HS6ST3: variants seen among roughly 807,000 people sequenced by gnomAD.
HS6ST3 encodes the protein heparan sulfate 6-O-sulfotransferase 3.
Under a neutral mutation model 36.7 loss-of-function variants are expected in HS6ST3, and 12 were observed. The ratio of observed to expected loss-of-function variants is 0.33; its 90% CI spans 0.21 to 0.53. The LOEUF (loss-of-function observed/expected upper bound fraction) is 0.53. Ranked by LOEUF, HS6ST3 falls within the 20% of genes least tolerant of loss-of-function variation. The probability of loss-of-function intolerance (pLI) is 0.95; values close to 1 mark genes in which losing one functional copy is unlikely to be tolerated. For missense variants in HS6ST3, 584 were observed against 640.9 expected (o/e 0.91, Z 0.96); for synonymous variants, 240 against 257.5 (o/e 0.93, Z 0.65).
chr13:96,731,597 TA>T (rs1041928966), intron 1 of HS6ST3, among the ~76,000 whole-genome samples: 4 of 152,300 alleles, frequency 2.6e-5, no homozygotes, highest in African/African-American at 9.6e-5. Context: ...ATTTCCTTTG[TA>T]AATATATATG....
intron 1 of HS6ST3, among the ~76,000 whole-genome samples, chr13:96,299,146 A>G (rs2054869434): frequency 6.6e-6 from 1 of 152,202 alleles, no homozygotes; most frequent in South Asian, 2.1e-4. Flanking sequence ...AGGGAAATTC[A>G]AAGACAAGAG....
chr13:96,732,297 G>A (rs1205077351), intron 1 of HS6ST3, among the ~76,000 whole-genome samples: 2 of 152,104 alleles, frequency 1.3e-5, no homozygotes, highest in African/African-American at 4.8e-5. Context: ...TTTTCTTCTA[G>A]TAGTTTCAAG....
chr13:96,341,930 A>G (rs16953103), intron 1 of HS6ST3, among the ~76,000 whole-genome samples: 1 of 152,140 alleles, frequency 6.6e-6, no homozygotes, highest in Non-Finnish European at 1.5e-5. Context: ...TGTAATTTAC[A>G]TATTTAGCAG....
At chr13:96,268,341 G>A (rs2139386934) in intron 1 of HS6ST3, among the ~76,000 whole-genome samples, 1 of 152,072 alleles carries the variant, frequency 6.6e-6, no homozygotes, top group East Asian at 1.9e-4. Flanking sequence ...AAGCAAACAT[G>A]TCCTTCACAT....
At chr13:96,573,310 T>C (rs2056307675) in intron 1 of HS6ST3, among the ~76,000 whole-genome samples, 1 of 152,222 alleles carries the variant, frequency 6.6e-6, no homozygotes, top group South Asian at 2.1e-4. Context: ...TAACTTTTAT[T>C]TTAGGTAAAG....
chr13:96,122,981 T>G (rs1267695902), intron 1 of HS6ST3, among the ~76,000 whole-genome samples: 1 of 152,182 alleles, frequency 6.6e-6, no homozygotes, highest in Non-Finnish European at 1.5e-5. Flanking sequence ...GATAGCTGAT[T>G]TAAGGATAGT....
chr13:96,765,460 A>G (rs1214898697), intron 1 of HS6ST3, among the ~76,000 whole-genome samples: 1 of 152,178 alleles, frequency 6.6e-6, no homozygotes, highest in African/African-American at 2.4e-5. Flanking sequence ...ATTGGATTAG[A>G]TCAATGTAAG....
At chr13:96,741,545 C>T (rs947287676) in intron 1 of HS6ST3, among the ~76,000 whole-genome samples, 19 of 152,214 alleles carry the variant, frequency 1.2e-4, no homozygotes, top group African/African-American at 3.6e-4. Context: ...TTATAAAGCA[C>T]CACTGTGTGC....
intron 1 of HS6ST3, among the ~76,000 whole-genome samples, chr13:96,330,603 G>A (rs1381813342): frequency 2.0e-5 from 3 of 151,556 alleles, no homozygotes; most frequent in African/African-American, 7.3e-5. Flanking sequence ...TTTCTCTCTG[G>A]CTGCCCTTAA....
chr13:96,167,029 T>A (rs1289666804), intron 1 of HS6ST3, among the ~76,000 whole-genome samples: 1 of 152,164 alleles, frequency 6.6e-6, no homozygotes, highest in Non-Finnish European at 1.5e-5. Context: ...TCACCAGTCA[T>A]GCTGAACTGG....
chr13:96,093,568 T>TC (rs386380324), intron 1 of HS6ST3, among the ~76,000 whole-genome samples: 3 of 151,174 alleles, frequency 2.0e-5, no homozygotes, highest in African/African-American at 4.9e-5. Context: ...TGGTTTCCTT[T>TC]CTTTCTAAAA....
intron 1 of HS6ST3, among the ~76,000 whole-genome samples, chr13:96,112,578 AATATATATATATAT>A (rs59107741): frequency 0.032 from 2,568 of 81,184 alleles, 173 homozygotes; most frequent in Non-Finnish European, 0.038. Context: ...AAAATAAATA[AATATATATATATAT>A]ATATATATAT....
At chr13:96,244,569 A>G (rs768228241) in intron 1 of HS6ST3, among the ~76,000 whole-genome samples, 12 of 152,202 alleles carry the variant, frequency 7.9e-5, no homozygotes, top group Admixed American at 5.2e-4. Context: ...TCCTATCACA[A>G]TACAAAGCAA....
chr13:96,701,807 C>A lies in HS6ST3; in HGVS notation c.708-130683C>A, dbSNP rs1460326347. 2.0e-5 allele frequency among the ~76,000 whole-genome samples: 3 copies of A among 151,924 alleles called. No individual in the cohort carries two copies. The East Asian group carries it at 5.8e-4, about 29-fold the overall frequency. ...ACATCCCATCTCTACAAAAAAAATA[C>A]AAAAATTAGCCAGGCATGGAGGCGT... is the stretch of plus-strand genomic sequence containing the variant. On this transcript the variant is annotated intron_variant, in intron 1 of 1. Transcript: ENST00000376705.
intron 1 of HS6ST3, among the ~76,000 whole-genome samples, chr13:96,561,753 A>T (rs2056263149): frequency 6.6e-6 from 1 of 152,204 alleles, no homozygotes; most frequent in Non-Finnish European, 1.5e-5. Flanking sequence ...AAGACATACA[A>T]GCAGCTAGCA....
At chr13:96,527,802 C>T (rs1317880389) in intron 1 of HS6ST3, among the ~76,000 whole-genome samples, 3 of 152,084 alleles carry the variant, frequency 2.0e-5, no homozygotes, top group South Asian at 2.1e-4. Flanking sequence ...TAGCAGATGC[C>T]GTGGCTAAGT....
intron 1 of HS6ST3, among the ~76,000 whole-genome samples, chr13:96,586,066 C>T (rs114880560): frequency 1.3e-5 from 2 of 152,050 alleles, no homozygotes; most frequent in Non-Finnish European, 2.9e-5. Context: ...ATCCTTGCTA[C>T]TACTTTTGTC....
chr13:96,375,709 G>A (rs181563024), intron 1 of HS6ST3, among the ~76,000 whole-genome samples: 2 of 152,230 alleles, frequency 1.3e-5, no homozygotes, highest in African/African-American at 2.4e-5. Flanking sequence ...AAATTATAAT[G>A]TACTAACTAC....
At chr13:96,608,932 A>G (rs2056448093) in intron 1 of HS6ST3, among the ~76,000 whole-genome samples, 1 of 151,270 alleles carries the variant, frequency 6.6e-6, no homozygotes, top group Admixed American at 6.6e-5. Flanking sequence ...GTATGTGTAG[A>G]TAGATAGATA....
Sources: allele counts gnomAD v4.1 joint callset (sites outside exome capture counted in the v4.1 genomes callset), GRCh38; gene constraint gnomAD v4.1.1; transcripts MANE v1.5; gene names NCBI Gene and HGNC (gene_info 2026-07-23, HGNC 2026-07-21).